TNRC18: variants seen among roughly 807,000 people sequenced by gnomAD.
TNRC18 encodes the protein trinucleotide repeat-containing gene 18 protein.
A neutral mutation model predicts 226.7 loss-of-function variants in TNRC18; 69 were observed. That is an observed-to-expected ratio of 0.30 (90% CI 0.25 to 0.37). The LOEUF is 0.37. TNRC18 is among the 10% of genes least tolerant of loss of function. The pLI is 1.00. For missense variants in TNRC18, 4,754 were observed against 4,256.6 expected, an observed-to-expected ratio of 1.12 and a Z score of -3.25; for synonymous variants, 2,449 against 1,927.6, an observed-to-expected ratio of 1.27 and a Z score of -7.09.
At chr7:5,329,499 C>T (rs1301181670) in intron 19 of TNRC18, among the ~76,000 whole-genome samples, 1 of 151,454 alleles carries the variant, frequency 6.6e-6, no homozygotes, top group Non-Finnish European at 1.5e-5. Context: ...GCCTGACCAA[C>T]ATGGTGAAAC....
At chr7:5,379,105 G>A (rs956560770) in intron 5 of TNRC18, among the ~76,000 whole-genome samples, 5 of 152,028 alleles carry the variant, frequency 3.3e-5, no homozygotes, top group African/African-American at 9.7e-5. Flanking sequence ...GCTGAGGCAG[G>A]AGAATCATTT....
chr7:5,329,115 C>A (rs1242720230), intron 19 of TNRC18, among the ~76,000 whole-genome samples: 1 of 151,716 alleles, frequency 6.6e-6, no homozygotes, highest in African/African-American at 2.4e-5. Flanking sequence ...CGAGACTGGC[C>A]AACATGGCGA....
chr7:5,415,747 C>T (rs73333869), intron 2 of TNRC18, among the ~76,000 whole-genome samples: 40,276 of 151,662 alleles, frequency 0.27, 5,659 homozygotes, highest in African/African-American at 0.34. Context: ...ATGAGAAGCC[C>T]ATCTCCAGGT....
At chr7:5,369,607 G>C (rs968543506) in intron 11 of TNRC18, among the ~76,000 whole-genome samples, 1 of 151,792 alleles carries the variant, frequency 6.6e-6, no homozygotes, top group Admixed American at 6.6e-5. Context: ...CGGGGACACA[G>C]AGAGAGAGAG....
At position 5,312,373 on chromosome 7, in the gene TNRC18, G is replaced by A. The variant is rs1787317454; in HGVS notation, c.8388+130C>T. ...ACTCAGTGTACCCATCCATAAAGTGGGACGCCAGCCCTCCACCCTGGGGTT... is the reference window on the plus strand; with the variant it reads ...ACTCAGTGTACCCATCCATAAAGTGAGACGCCAGCCCTCCACCCTGGGGTT... On this transcript the variant is annotated intron_variant, in intron 27 of 29. Transcript: ENST00000430969. The surrounding 1 kb of genome is among the most constrained non-coding windows in gnomAD (Gnocchi z 6.3). 1.8e-5 allele frequency: 24 copies of A among 1,357,256 alleles called. No homozygotes were observed. The South Asian group carries it at 2.9e-4, about 16-fold the overall frequency. The allele number at this position is 1,357,256 out of a possible 1,614,324, so 84.1% of individuals were successfully genotyped here.
intron 21 of TNRC18, among the ~76,000 whole-genome samples, chr7:5,323,271 C>T (rs1256750438): frequency 2.6e-5 from 4 of 152,056 alleles, no homozygotes; most frequent in African/African-American, 7.2e-5. Flanking sequence ...CGTGACTTCC[C>T]GATTGAGTCA....
chr7:5,361,297 G>A (rs6974185), intron 14 of TNRC18, among the ~76,000 whole-genome samples: 106,492 of 152,114 alleles, frequency 0.7, 38,680 homozygotes, highest in African/African-American at 0.9. Context: ...GCGTGGAAAA[G>A]AGGAGGAATT....
intron 16 of TNRC18, among the ~76,000 whole-genome samples, chr7:5,354,958 C>T (rs71529398): frequency 0.092 from 14,054 of 152,284 alleles, 744 homozygotes; most frequent in African/African-American, 0.14. Context: ...CAAACTCCCC[C>T]TTCTCCGCCC....
chr7:5,380,215 G>C (rs1583992111), intron 5 of TNRC18, among the ~76,000 whole-genome samples: 1 of 152,192 alleles, frequency 6.6e-6, no homozygotes, highest in Admixed American at 6.5e-5. Context: ...GGAGGCCGAG[G>C]TGGGAGGATC....
chr7:5,362,548 C>T (rs1184135921), intron 12 of TNRC18, 102 bp downstream of exon 12: 12 of 1,180,840 alleles, frequency 1.0e-5, no homozygotes, highest in South Asian at 1.6e-5. Context: ...GCCTCTCTGG[C>T]GCCAAAGCCA....
At chr7:5,397,893 G>T (rs1014176650) in intron 2 of TNRC18, among the ~76,000 whole-genome samples, 1 of 152,136 alleles carries the variant, frequency 6.6e-6, no homozygotes, top group Non-Finnish European at 1.5e-5. Context: ...TGAGGGCGGG[G>T]ACTATCTTCC....
chr7:5,320,336 G>C lies in TNRC18; in HGVS notation c.6727C>G (p.Pro2243Ala), dbSNP rs961953899. The change falls in exon 24 of 30, where the codon CCA becomes GCA. Residue 2243 changes from proline to alanine, a missense_variant. Pro to Ala is a conservative substitution (Grantham distance 27). Coordinates refer to ENST00000430969, the MANE Select transcript of TNRC18 (RefSeq NM_001080495.3). Reference sequence around the variant, plus strand: ...ATCTCACCTCGGACCACAGTGCCTGGGTAGAGACAGCGGTACTGCTGGCTC... The same window carrying C: ...ATCTCACCTCGGACCACAGTGCCTGCGTAGAGACAGCGGTACTGCTGGCTC... The part of the protein sequence containing the change: ...YWSQQYRCLY[P>A]GTVVRGLLDL... The C allele has an allele frequency of 1.3e-6, 2 of 1,554,882 alleles. No individual in the cohort carries two copies. Among genetic ancestry groups the C allele is most frequent in the African/African-American group, 1.4e-5 (1 of 73,282 alleles).
intron 10 of TNRC18, among the ~76,000 whole-genome samples, chr7:5,372,662 C>T (rs1364990523): frequency 1.3e-5 from 2 of 152,202 alleles, no homozygotes; most frequent in Admixed American, 1.3e-4. Flanking sequence ...CTGCAGTGAG[C>T]TATGATGGCA....
At chr7:5,398,317 T>A (rs1228529963) in intron 2 of TNRC18, among the ~76,000 whole-genome samples, 2 of 151,980 alleles carry the variant, frequency 1.3e-5, no homozygotes, top group Non-Finnish European at 2.9e-5. Flanking sequence ...ATTACAGGTA[T>A]ACCCCACGAC....
At chr7:5,342,721 A>G (rs1408987975) in intron 18 of TNRC18, among the ~76,000 whole-genome samples, 1 of 152,254 alleles carries the variant, frequency 6.6e-6, no homozygotes, top group Non-Finnish European at 1.5e-5. Flanking sequence ...AGAATATTGC[A>G]CAAGCTTAGC....
rs998737304 is a variant in TNRC18 at position 5,374,169 on chromosome 7, G to T, written c.3115C>A (p.Pro1039Thr). ...CGGGTGATACCCGGGGTGGGCGGTG[G>T]GGAGGCGGGCGGCGGGCTGGTGGGG... is the stretch of plus-strand genomic sequence containing the variant. ...SHPTSPPPAS[P>T]PPTPGITRKE... is the part of the protein sequence containing the mutation. The change falls in exon 10 of 30, where the codon CCA (proline) becomes ACA (threonine). Residue 1039 changes from proline to threonine, a missense_variant. By Grantham distance (38) the Pro-to-Thr change is conservative. Transcript: ENST00000430969. 5 of 1,451,886 alleles carry T rather than the reference G, an allele frequency of 3.4e-6. No homozygotes were observed. Among genetic ancestry groups the T allele is most frequent in the African/African-American group, 1.5e-5 (1 of 67,842 alleles). 89.9% of individuals were successfully genotyped at this position (1,451,886 alleles called of 1,614,324 possible).
At chr7:5,353,690 TACCTCCTTGTGA>T (rs1484083526) in intron 16 of TNRC18, among the ~76,000 whole-genome samples, 1 of 151,406 alleles carries the variant, frequency 6.6e-6, no homozygotes, top group East Asian at 2.0e-4. Context: ...GACACACCCC[TACCTCCTTGTGA>T]ACCCTGCACT....
chr7:5,339,590 G>A (rs1790481133), intron 18 of TNRC18, among the ~76,000 whole-genome samples: 2 of 149,572 alleles, frequency 1.3e-5, no homozygotes, highest in Non-Finnish European at 3.0e-5. Context: ...TTTCGACAGA[G>A]TGTCGCTCTT....
At chr7:5,372,494 A>G (rs985364479) in intron 10 of TNRC18, among the ~76,000 whole-genome samples, 42 of 151,700 alleles carry the variant, frequency 2.8e-4, no homozygotes, top group African/African-American at 9.9e-4. Context: ...AAGTGCTGGG[A>G]TTACAGGCGT....
Sources: allele counts gnomAD v4.1 joint callset (sites outside exome capture counted in the v4.1 genomes callset), GRCh38; gene constraint gnomAD v4.1.1; non-coding constraint Gnocchi (gnomAD v3.1); transcripts MANE v1.5; gene names NCBI Gene and HGNC (gene_info 2026-07-23, HGNC 2026-07-21).